The following DPP3 variants were observed in gnomAD, a reference collection of about 807,000 sequenced individuals.
DPP3 encodes DPP III.
A neutral mutation model predicts 89.8 loss-of-function variants in DPP3; 64 were observed. The observed-to-expected ratio is 0.71, with a 90% CI of 0.58 to 0.88. The LOEUF (loss-of-function observed/expected upper bound fraction) is 0.88, where lower values mean the gene tolerates loss of function less well. DPP3 is among the 40% of genes least tolerant of loss of function. The pLI is 0.00. For missense variants in DPP3, 835 were observed against 972.5 expected (o/e 0.86, Z 1.88); for synonymous variants, 377 against 404.3 (o/e 0.93, Z 0.81).
rs762850565 is a variant in DPP3, at chr11:66,491,340, C to T, written c.755C>T (p.Ala252Val). 5.0e-6 allele frequency: 8 copies of T among 1,614,008 alleles called. No homozygotes were observed. The highest frequency in any genetic ancestry group is 1.7e-4 in the Middle Eastern group (1 of 6,056). ...SPFQVTRGDY[A>V]PILQKVVEQL... The stretch of plus-strand genomic sequence containing the variant: ...TTCCAGGTGACCCGGGGGGACTACG[C>T]GCCCATCCTCCAGAAGGTGGTGGAG... Residue 252 changes from alanine to valine, a missense_variant, in exon 7 of 18, where the codon GCG becomes GTG. Ala to Val is a moderately conservative substitution (Grantham distance 64, BLOSUM62 0). Coordinates refer to ENST00000531863, the MANE Select transcript of DPP3 (RefSeq NM_130443.4).
At chr11:66,487,222 G>A in intron 4 of DPP3, 46 bp from the exon 5 acceptor site, 3 of 1,595,714 alleles carry the variant, frequency 1.9e-6, no homozygotes, top group Non-Finnish European at 1.7e-6. Context: ...CTGCAGCCCT[G>A]ACCTTGGCAA....
At chr11:66,485,941 T>C (rs1393765476) in intron 3 of DPP3, among the ~76,000 whole-genome samples, 1 of 151,618 alleles carries the variant, frequency 6.6e-6, no homozygotes, top group Non-Finnish European at 1.5e-5. Flanking sequence ...TCTTTTCTTT[T>C]CTTTTCTTTT....
At chr11:66,506,805 C>A (rs1406720597) in intron 17 of DPP3, among the ~76,000 whole-genome samples, 1 of 152,058 alleles carries the variant, frequency 6.6e-6, no homozygotes, top group Non-Finnish European at 1.5e-5. Context: ...TTTGTCCTTC[C>A]GCTCCTTGTA....
Position 66,493,549 on chromosome 11 carries a change from C to T in DPP3, c.1305C>T (p.Tyr435=). 6.2e-7 allele frequency: 1 copy of T among 1,613,110 alleles called. No homozygotes were observed. Residue 435 remains tyrosine, a synonymous_variant, in exon 12 of 18, where the codon TAC becomes TAT. Transcript: ENST00000531863. The part of the protein sequence containing the change: ...TFLEEDDKDL[Y]ILWKGPSFDV... ...TCTGCTTGTCTTGGCAGGACCTGTACATCCTCTGGAAGGGGCCCTCCTTCG... is the reference window on the plus strand; with the variant it reads ...TCTGCTTGTCTTGGCAGGACCTGTATATCCTCTGGAAGGGGCCCTCCTTCG...
In DPP3 at chr11:66,495,673, G is replaced by T. The variant is rs912409689; in HGVS notation, c.1621G>T (p.Val541Leu). Reference sequence around the variant, plus strand: ...GGCTGATGCGGAGGACGTGATCTACGTGAACTGGCTCAACATGGTTCGGGC... The same window carrying T: ...GGCTGATGCGGAGGACGTGATCTACTTGAACTGGCTCAACATGGTTCGGGC... ...EGADAEDVIY[V>L]NWLNMVRAGL... The change falls in exon 15 of 18, where the codon GTG becomes TTG. Residue 541 changes from valine (V) to leucine (L), a missense_variant. Coordinates refer to ENST00000531863, the MANE Select transcript of DPP3 (RefSeq NM_130443.4). 1 of 1,614,126 alleles carries T rather than the reference G, an allele frequency of 6.2e-7. No individual in the cohort carries two copies. Among genetic ancestry groups the T allele is most frequent in the Non-Finnish European group, 8.5e-7 (1 of 1,180,026 alleles).
At chr11:66,493,981 G>A (rs1855467602) in intron 12 of DPP3, among the ~76,000 whole-genome samples, 1 of 152,114 alleles carries the variant, frequency 6.6e-6, no homozygotes, top group Non-Finnish European at 1.5e-5. Flanking sequence ...ACACCCTAAG[G>A]GCGTGCTTAG....
rs200241602 is a variant in DPP3, at chr11:66,509,232, C to T, written c.2195C>T (p.Ala732Val). 6 of 1,612,026 alleles carry T rather than the reference C, an allele frequency of 3.7e-6. No homozygotes were observed. In the East Asian group the frequency reaches 1.3e-4, roughly 36 times the overall value. The change falls in exon 18 of 18, where the codon GCC becomes GTC. Residue 732 changes from alanine (A) to valine (V), a missense_variant. Transcript: ENST00000531863. ...CGATTCTGGAAGGGCCCCAGTGAGG[C>T]CCCATCTGGCCAAGCTTGAGGAAGA... ...DARFWKGPSE[A>V]PSGQA
chr11:66,491,518 G>A lies in DPP3; in HGVS notation c.823G>A (p.Gly275Arg), dbSNP rs1855386567. 6.2e-7 allele frequency: 1 copy of A among 1,611,248 alleles called. No homozygotes were observed. Among genetic ancestry groups the A allele is most frequent in the Non-Finnish European group, 8.5e-7 (1 of 1,178,264 alleles). ...GGCCTATGCAGCCAACAGCCACCAG[G>A]GGCAGATGCTGGCCCAGTATATAGA... is the stretch of plus-strand genomic sequence containing the variant. ...AKAYAANSHQ[G>R]QMLAQYIESF... Residue 275 changes from glycine (G) to arginine (R), a missense_variant, in exon 8 of 18, where the codon GGG becomes AGG. By Grantham distance (125) the Gly-to-Arg change is moderately radical. Transcript: ENST00000531863.
chr11:66,499,690 A>G (rs1275146509), intron 16 of DPP3, among the ~76,000 whole-genome samples: 1 of 151,982 alleles, frequency 6.6e-6, no homozygotes. Context: ...GAATCGCTTG[A>G]ATCTGGGAGT....
intron 5 of DPP3, 39 bp from the exon 6 acceptor site, chr11:66,487,875 C>T (rs945161761): frequency 6.2e-7 from 1 of 1,600,280 alleles, no homozygotes; most frequent in African/African-American, 1.3e-5. Flanking sequence ...ACTGCCCTCT[C>T]CAGACTTCAC....
At chr11:66,507,569 A>G (rs1855834894) in intron 17 of DPP3, among the ~76,000 whole-genome samples, 1 of 152,184 alleles carries the variant, frequency 6.6e-6, no homozygotes, top group Non-Finnish European at 1.5e-5. Flanking sequence ...AGAGGAGGGA[A>G]GATCGCATCC....
intron 1 of DPP3, 109 bp from the exon 2 acceptor site, chr11:66,482,084 C>T (rs1855098972): frequency 6.9e-7 from 1 of 1,448,318 alleles, no homozygotes; most frequent in Non-Finnish European, 9.3e-7. Context: ...AATAGTATTC[C>T]CTTCCACATG....
Position 66,492,799 on chromosome 11 carries a change from C to T in DPP3, c.1072C>T (p.Pro358Ser), listed in dbSNP as rs1471665152. 1 of 1,614,082 alleles carries T rather than the reference C, an allele frequency of 6.2e-7. No individual in the cohort carries two copies. Among genetic ancestry groups the T allele is most frequent in the Non-Finnish European group, 8.5e-7 (1 of 1,179,992 alleles). Residue 358 changes from proline (P) to serine (S), a missense_variant, in exon 10 of 18, where the codon CCC becomes TCC. Transcript: ENST00000531863. ...CGCAGAGCAGCTGCTGAAGGAGCTG[C>T]CCTGGCCCCCAACCTTTGAGAAGGA... ...ASAEQLLKEL[P>S]WPPTFEKDKF... is the part of the protein sequence containing the mutation.
At chr11:66,489,439 G>A (rs981106373) in intron 6 of DPP3, among the ~76,000 whole-genome samples, 5 of 152,074 alleles carry the variant, frequency 3.3e-5, no homozygotes, top group African/African-American at 7.2e-5. Context: ...TGGTGGATCC[G>A]AGCATCCACT....
intron 16 of DPP3, among the ~76,000 whole-genome samples, chr11:66,501,111 C>G (rs1353923466): frequency 6.6e-6 from 1 of 151,632 alleles, no homozygotes; most frequent in Non-Finnish European, 1.5e-5. Context: ...TCGCTTGAAC[C>G]AGGAGGTGGA....
rs773710479 is a variant in DPP3 at position 66,495,430 on chromosome 11, C to T, written c.1518C>T (p.Tyr506=). 11 of 1,612,308 alleles carry T rather than the reference C, an allele frequency of 6.8e-6. No homozygotes were observed. Among genetic ancestry groups the T allele is most frequent in the African/African-American group, 4.0e-5 (3 of 74,894 alleles). ...DSKFSTIASS[Y]EECRAESVGL... ...AGTTCAGCACCATCGCCTCCAGCTA[C>T]GAAGAGTGCCGGGCTGAGAGCGTGG... The change falls in exon 14 of 18, where the codon TAC becomes TAT. Residue 506 remains tyrosine, a synonymous_variant. Transcript: ENST00000531863.
chr11:66,495,145 G>A (rs921768502), intron 12 of DPP3, 61 bp from the exon 13 acceptor site: 19 of 1,611,102 alleles, frequency 1.2e-5, no homozygotes, highest in Middle Eastern at 4.5e-4. Context: ...TGTGGATTCT[G>A]GGGCTGGAGG....
In DPP3 at chr11:66,492,819, G is replaced by A; in HGVS notation, c.1092G>A (p.Glu364=). ...AGCTGCCCTGGCCCCCAACCTTTGA[G>A]AAGGACAAGTTCCTCACCCCTGACT... is the stretch of plus-strand genomic sequence containing the variant. ...LKELPWPPTF[E]KDKFLTPDFT... Residue 364 remains glutamate, a synonymous_variant, in exon 10 of 18, where the codon GAG becomes GAA. Coordinates refer to ENST00000531863, the MANE Select transcript of DPP3 (RefSeq NM_130443.4). 1 of 1,614,114 alleles carries A rather than the reference G, an allele frequency of 6.2e-7. No homozygotes were observed. Among genetic ancestry groups the A allele is most frequent in the Non-Finnish European group, 8.5e-7 (1 of 1,180,018 alleles).
At position 66,495,725 on chromosome 11, in the gene DPP3, C is replaced by T. The variant is rs759507066; in HGVS notation, c.1673C>T (p.Thr558Ile). 14 of 1,612,304 alleles carry T rather than the reference C, an allele frequency of 8.7e-6. No individual in the cohort carries two copies. The highest frequency in any genetic ancestry group is 1.1e-5 in the Non-Finnish European group (13 of 1,179,390). Residue 558 changes from threonine to isoleucine, a missense_variant, in exon 15 of 18, where the codon ACA (threonine) becomes ATA (isoleucine). Coordinates refer to ENST00000531863, the MANE Select transcript of DPP3 (RefSeq NM_130443.4). ...RAGLLALEFY[T>I]PEAFNWRQAH... ...GGGCTGCTCGCTCTGGAGTTCTACACACCTGAGGCCTTCAACTGGCGACAG... is the reference window on the plus strand; with the variant it reads ...GGGCTGCTCGCTCTGGAGTTCTACATACCTGAGGCCTTCAACTGGCGACAG...
Sources: gnomAD v4.1 joint callset for allele counts (sites outside exome capture counted in the v4.1 genomes callset) on GRCh38, gnomAD v4.1.1 for gene constraint, MANE v1.5 for transcripts, NCBI Gene and HGNC (gene_info 2026-07-23, HGNC 2026-07-21) for gene names.